MBOAT1: variants seen among roughly 807,000 people sequenced by gnomAD.
The protein encoded by MBOAT1 is membrane bound glycerophospholipid O-acyltransferase 1.
MBOAT1 carries 67 observed loss-of-function variants against 64.4 expected under a neutral mutation model. That is an observed-to-expected ratio of 1.04 (90% CI 0.85 to 1.27). The LOEUF (loss-of-function observed/expected upper bound fraction) is 1.27. MBOAT1 is among the 50% of genes most tolerant of loss of function. MBOAT1 has a pLI of 0.00. For missense variants in MBOAT1, 563 were observed against 604.6 expected, an observed-to-expected ratio of 0.93 and a Z score of 0.72; for synonymous variants, 229 against 218.9, an observed-to-expected ratio of 1.05 and a Z score of -0.41.
intron 8 of MBOAT1, among the ~76,000 whole-genome samples, chr6:20,119,702 C>A (rs1760435610): frequency 6.6e-6 from 1 of 152,106 alleles, no homozygotes. Flanking sequence ...TGTCATTCTC[C>A]CGTCGCCAAC....
Position 20,101,818 on chromosome 6 carries a change from T to G in MBOAT1, c.*468A>C, listed in dbSNP as rs558568718. The stretch of plus-strand genomic sequence containing the variant: ...GCCGATTAATCTGTACAAAAAGGCT[T>G]TATAAAAATACTCCCGGCCGGGCGC... On this transcript the variant is annotated 3_prime_UTR_variant, in exon 13 of 13. Transcript: ENST00000324607. Among the ~76,000 whole-genome samples the G allele has an allele frequency of 1.6e-4, 24 of 152,204 alleles. No homozygotes were observed. The highest frequency in any genetic ancestry group is 3.5e-4 in the Non-Finnish European group (24 of 68,014).
At position 20,201,359 on chromosome 6, in the gene MBOAT1, G is replaced by A. The variant is rs538892076; in HGVS notation, c.99+10777C>T. Among the ~76,000 whole-genome samples, 10 of 152,162 alleles carry A rather than the reference G, an allele frequency of 6.6e-5. 1 individual carries two copies. In the South Asian group the frequency reaches 1.9e-3, roughly 28 times the overall value. On this transcript the variant is annotated intron_variant, in intron 1 of 12. Coordinates refer to ENST00000324607, the MANE Select transcript of MBOAT1 (RefSeq NM_001080480.3). ...GGAAGAAAGGAAGAAAAGAAGGGAG[G>A]GAGGGAGGGAACCATACGCTATCAC...
chr6:20,203,832 A>C (rs997425511), intron 1 of MBOAT1, among the ~76,000 whole-genome samples: 3 of 151,968 alleles, frequency 2.0e-5, no homozygotes, highest in Non-Finnish European at 4.4e-5. Flanking sequence ...GATTCACAGC[A>C]ACCAACAGAA....
chr6:20,178,457 A>G (rs1458064351), intron 1 of MBOAT1, among the ~76,000 whole-genome samples: 1 of 152,182 alleles, frequency 6.6e-6, no homozygotes, highest in Non-Finnish European at 1.5e-5. Flanking sequence ...AAAATAAAAC[A>G]TGTTGATTCA....
rs541993150 is a variant in MBOAT1 at position 20,140,430 on chromosome 6, G to A, written c.419+3790C>T. On this transcript the variant is annotated intron_variant, in intron 4 of 12. Transcript: ENST00000324607. ...CATTATTTCTTGGTGTACCTATGAG[G>A]GTTTCCAAAAGAGATTAGCATTTGA... 8.9e-4 allele frequency among the ~76,000 whole-genome samples: 136 copies of A among 152,218 alleles called. 1 individual carries two copies. The highest frequency in any genetic ancestry group is 1.6e-3 in the Non-Finnish European group (107 of 68,016).
chr6:20,158,922 T>C (rs1475991607), intron 1 of MBOAT1, among the ~76,000 whole-genome samples: 1 of 152,092 alleles, frequency 6.6e-6, no homozygotes, highest in Admixed American at 6.5e-5. Flanking sequence ...AGATAACAAG[T>C]GCTTGGAGAG....
At chr6:20,141,042 TG>T (rs1425758262) in intron 4 of MBOAT1, among the ~76,000 whole-genome samples, 1 of 151,380 alleles carries the variant, frequency 6.6e-6, no homozygotes. Context: ...TGCATGACTC[TG>T]GGGTACAGGG....
Position 20,124,436 on chromosome 6 carries a change from C to A in MBOAT1, c.879G>T (p.Lys293Asn). 3 of 1,614,058 alleles carry A rather than the reference C, an allele frequency of 1.9e-6. No individual in the cohort carries two copies. Among genetic ancestry groups the A allele is most frequent in the Non-Finnish European group, 2.5e-6 (3 of 1,179,960 alleles). Residue 293 changes from lysine to asparagine, a missense_variant, in exon 8 of 13, where the codon AAG becomes AAT. Transcript: ENST00000324607. ...CYLYVVMQAS[K>N]PKYYFAWTLA... Reference sequence around the variant, plus strand: ...ATGTCCATGCAAAGTAATACTTGGGCTTTGAGGCTTGCATGACAACATATA... The same window carrying A: ...ATGTCCATGCAAAGTAATACTTGGGATTTGAGGCTTGCATGACAACATATA...
At chr6:20,114,788 G>A (rs1160719867) in intron 10 of MBOAT1, among the ~76,000 whole-genome samples, 3 of 151,856 alleles carry the variant, frequency 2.0e-5, no homozygotes, top group Non-Finnish European at 4.4e-5. Flanking sequence ...GGAGGCTGAG[G>A]CAGGAGAATT....
intron 12 of MBOAT1, among the ~76,000 whole-genome samples, chr6:20,104,216 A>C (rs997070896): frequency 1.3e-5 from 2 of 152,316 alleles, no homozygotes; most frequent in African/African-American, 2.4e-5. Flanking sequence ...ATGATGTTCA[A>C]ACAACAATGA....
rs553706307 is a variant in MBOAT1, at chr6:20,123,976, T to G, written c.907+432A>C. On this transcript the variant is annotated intron_variant, in intron 8 of 12. Coordinates refer to ENST00000324607, the MANE Select transcript of MBOAT1 (RefSeq NM_001080480.3). ...GGAGGCTGAGGCAGGAGAATGGCAT[T>G]AACCCAGGAGGTGGAGCTTGCAGTG... Among the ~76,000 whole-genome samples, 102 of 152,078 alleles carry G rather than the reference T, an allele frequency of 6.7e-4. 1 individual carries two copies. Among genetic ancestry groups the G allele is most frequent in the Non-Finnish European group, 9.6e-4 (65 of 67,962 alleles).
At chr6:20,143,476 G>C (rs1043561757) in intron 4 of MBOAT1, among the ~76,000 whole-genome samples, 8 of 152,184 alleles carry the variant, frequency 5.3e-5, no homozygotes, top group Admixed American at 3.3e-4. Flanking sequence ...TAGTATCAAA[G>C]AATTTCTATA....
intron 1 of MBOAT1, among the ~76,000 whole-genome samples, chr6:20,178,875 T>A (rs1048292223): frequency 6.6e-6 from 1 of 152,026 alleles, no homozygotes; most frequent in Admixed American, 6.6e-5. Flanking sequence ...AATCAGAAGA[T>A]CGTATTAATG....
intron 1 of MBOAT1, among the ~76,000 whole-genome samples, chr6:20,165,472 A>G (rs760382000): frequency 1.4e-4 from 21 of 152,128 alleles, no homozygotes; most frequent in Non-Finnish European, 2.4e-4. Context: ...ACTGGGTGCA[A>G]TGGCTCACAC....
intron 10 of MBOAT1, 24 bp from the exon 11 acceptor site, chr6:20,113,032 A>G: frequency 1.2e-6 from 2 of 1,607,506 alleles, no homozygotes; most frequent in Non-Finnish European, 1.7e-6. Flanking sequence ...AAGGAACAAG[A>G]CACAGGTGAA....
intron 1 of MBOAT1, among the ~76,000 whole-genome samples, chr6:20,179,593 G>A (rs936352831): frequency 6.6e-6 from 1 of 152,118 alleles, no homozygotes; most frequent in Admixed American, 6.5e-5. Flanking sequence ...GATTCCATGT[G>A]TCTGTTATTG....
At chr6:20,111,869 C>CGTATATATACATATATATATATATATAT (rs1554115582) in intron 11 of MBOAT1, among the ~76,000 whole-genome samples, 2 of 124,288 alleles carry the variant, frequency 1.6e-5, no homozygotes, top group African/African-American at 7.8e-5. Flanking sequence ...CATATATATA[C>CGTATATATACATATATATATATATATAT]ATATATATAT....
At chr6:20,174,458 A>C (rs1353155718) in intron 1 of MBOAT1, among the ~76,000 whole-genome samples, 2 of 152,340 alleles carry the variant, frequency 1.3e-5, no homozygotes, top group East Asian at 3.9e-4. Context: ...AACATAGAAA[A>C]GATACAGTAA....
At position 20,194,712 on chromosome 6, in the gene MBOAT1, C is replaced by T. The variant is rs895687089; in HGVS notation, c.99+17424G>A. On this transcript the variant is annotated intron_variant, in intron 1 of 12. Transcript: ENST00000324607. ...TCCCCACTCCCCTTTCCATACTGTA[C>T]TCTGGAGGGAAGTCACTATGCACAG... is the stretch of plus-strand genomic sequence containing the variant. 3.9e-5 allele frequency among the ~76,000 whole-genome samples: 6 copies of T among 152,200 alleles called. No individual in the cohort carries two copies. The East Asian group carries it at 1.2e-3, about 29-fold the overall frequency.
Sources: allele counts gnomAD v4.1 joint callset (sites outside exome capture counted in the v4.1 genomes callset), GRCh38; gene constraint gnomAD v4.1.1; transcripts MANE v1.5; gene names NCBI Gene and HGNC (gene_info 2026-07-23, HGNC 2026-07-21).